The following RBFOX3 variants were observed in gnomAD, a reference collection of about 807,000 sequenced individuals.
The protein encoded by RBFOX3 is RNA binding fox-1 homolog 3.
RBFOX3 carries 17 observed loss-of-function variants against 48.7 expected under a neutral mutation model. That is an observed-to-expected ratio of 0.35 (90% CI 0.24 to 0.52). The LOEUF (loss-of-function observed/expected upper bound fraction) is 0.52. Among genes scored for constraint, RBFOX3 ranks in the 20% least tolerant of loss-of-function variants. RBFOX3 has a pLI of 0.94. For synonymous variants in RBFOX3, 212 were observed against 209.5 expected (o/e 1.01, Z -0.10); for missense variants, 382 against 497.5 (o/e 0.77, Z 2.21).
At chr17:79,593,529 G>A (rs1240448529) in intron 1 of RBFOX3, among the ~76,000 whole-genome samples, 1 of 152,220 alleles carries the variant, frequency 6.6e-6, no homozygotes, top group African/African-American at 2.4e-5. Context: ...CGTGGAGAAA[G>A]GGGCTGCCAG....
At chr17:79,262,820 C>T (rs1461579596) in intron 3 of RBFOX3, among the ~76,000 whole-genome samples, 1 of 152,266 alleles carries the variant, frequency 6.6e-6, no homozygotes, top group Admixed American at 6.5e-5. Flanking sequence ...CATATGCCTT[C>T]AGCCATGAGC....
In RBFOX3 at chr17:79,205,201, A is replaced by T. The variant is rs1388026841; in HGVS notation, c.-34+30565T>A. Among the ~76,000 whole-genome samples the T allele has an allele frequency of 6.6e-6, 1 of 152,168 alleles. No individual in the cohort carries two copies. The highest frequency in any genetic ancestry group is 1.5e-5 in the Non-Finnish European group (1 of 68,026). ...TGCCAGAGAACCTGTGTCCTGGGGAAGGGGACTAGCAGAAGTTTTGCAGGC... is the reference window on the plus strand; with the variant it reads ...TGCCAGAGAACCTGTGTCCTGGGGATGGGGACTAGCAGAAGTTTTGCAGGC... On this transcript the variant is annotated intron_variant, in intron 4 of 14. Coordinates refer to ENST00000693108, the MANE Select transcript of RBFOX3 (RefSeq NM_001350451.2). The surrounding 1 kb of genome is among the most constrained non-coding windows in gnomAD (Gnocchi z 4.5).
At chr17:79,589,742 C>A (rs1264867824) in intron 1 of RBFOX3, among the ~76,000 whole-genome samples, 1 of 152,070 alleles carries the variant, frequency 6.6e-6, no homozygotes, top group Non-Finnish European at 1.5e-5. Context: ...ACCCTCCACA[C>A]AACCCAATAC....
intron 2 of RBFOX3, among the ~76,000 whole-genome samples, chr17:79,381,836 C>T (rs12942038): frequency 0.37 from 55,651 of 151,888 alleles, 10,267 homozygotes; most frequent in Middle Eastern, 0.54. Flanking sequence ...GACTTGAGAG[C>T]CCCAGGAGGA....
intron 2 of RBFOX3, among the ~76,000 whole-genome samples, chr17:79,457,230 A>G (rs1223052550): frequency 1.3e-5 from 2 of 152,310 alleles, no homozygotes; most frequent in African/African-American, 4.8e-5. Context: ...TGATGGTCGG[A>G]CGGATGAGGG....
At chr17:79,279,766 G>A (rs911358784) in intron 3 of RBFOX3, among the ~76,000 whole-genome samples, 5 of 152,174 alleles carry the variant, frequency 3.3e-5, no homozygotes, top group Non-Finnish European at 4.4e-5. Context: ...TGTGGGCTCC[G>A]CTGTCCACCC....
intron 3 of RBFOX3, among the ~76,000 whole-genome samples, chr17:79,283,742 C>T (rs1600406941): frequency 6.6e-6 from 1 of 152,368 alleles, no homozygotes; most frequent in South Asian, 2.1e-4. Flanking sequence ...GCCCATCATG[C>T]AGAGCGGTTA....
chr17:79,449,116 A>G (rs2072952210), intron 2 of RBFOX3, among the ~76,000 whole-genome samples: 1 of 152,090 alleles, frequency 6.6e-6, no homozygotes, highest in Non-Finnish European at 1.5e-5. Context: ...GTCCCTTACC[A>G]CAGAGAGGAG....
intron 3 of RBFOX3, among the ~76,000 whole-genome samples, chr17:79,259,812 G>T (rs1008431523): frequency 6.6e-6 from 1 of 152,122 alleles, no homozygotes; most frequent in Non-Finnish European, 1.5e-5. Context: ...TGCAGCAGGC[G>T]CCATTCTCAG....
chr17:79,600,272 TTGTGCA>T (rs2093675005), intron 1 of RBFOX3: 1 of 152,274 alleles, frequency 6.6e-6, no homozygotes, highest in East Asian at 1.9e-4. Flanking sequence ...AGAAACACAC[TTGTGCA>T]TGTGCACATA....
At chr17:79,615,919 C>T (rs2093992062), upstream of RBFOX3, among the ~76,000 whole-genome samples, 1 of 152,196 alleles carries the variant, frequency 6.6e-6, no homozygotes. Flanking sequence ...TGTCTTCTCC[C>T]AGGCTCCTCC....
chr17:79,200,365 G>A (rs2056559032), intron 4 of RBFOX3, among the ~76,000 whole-genome samples: 1 of 152,214 alleles, frequency 6.6e-6, no homozygotes, highest in Non-Finnish European at 1.5e-5. Context: ...AAAGCCTCTT[G>A]ATCAGGCAGC....
intron 2 of RBFOX3, among the ~76,000 whole-genome samples, chr17:79,432,677 A>G (rs2068677290): frequency 6.6e-6 from 1 of 152,150 alleles, no homozygotes; most frequent in Admixed American, 6.5e-5. Flanking sequence ...GAACGGGTTC[A>G]TTTACTGATG....
chr17:79,461,545 G>A (rs2075366928), intron 2 of RBFOX3, among the ~76,000 whole-genome samples: 1 of 152,170 alleles, frequency 6.6e-6, no homozygotes, highest in Non-Finnish European at 1.5e-5. Flanking sequence ...CTTGTGAAGT[G>A]TCCCCAGCCC....
intron 4 of RBFOX3, among the ~76,000 whole-genome samples, chr17:79,134,773 G>A (rs17740430): frequency 0.023 from 3,466 of 152,302 alleles, 66 homozygotes; most frequent in Admixed American, 0.037. Flanking sequence ...CCAAAAGGAC[G>A]CCACTCGGAA....
At chr17:79,266,095 C>A (rs151138194) in intron 3 of RBFOX3, among the ~76,000 whole-genome samples, 1,725 of 152,348 alleles carry the variant, frequency 0.011, 35 homozygotes, top group African/African-American at 0.039. Context: ...CCCCTCTCAG[C>A]CTTCTCTGGG....
intron 1 of RBFOX3, among the ~76,000 whole-genome samples, chr17:79,567,940 G>A (rs1302795194): frequency 6.6e-6 from 1 of 152,192 alleles, no homozygotes; most frequent in African/African-American, 2.4e-5. Flanking sequence ...CCTCTGCACT[G>A]TCTATTAAGA....
At chr17:79,251,222 C>T (rs77750187) in intron 3 of RBFOX3, among the ~76,000 whole-genome samples, 1 of 152,084 alleles carries the variant, frequency 6.6e-6, no homozygotes, top group Non-Finnish European at 1.5e-5. Context: ...CGCCACCCAC[C>T]ACCAGGAACT....
intron 3 of RBFOX3, among the ~76,000 whole-genome samples, chr17:79,276,878 C>A (rs1360506860): frequency 2.6e-5 from 4 of 152,158 alleles, no homozygotes; most frequent in Non-Finnish European, 4.4e-5. Context: ...GAATCTGAGG[C>A]AGGGAGAGTT....
Sources: allele counts gnomAD v4.1 joint callset (sites outside exome capture counted in the v4.1 genomes callset), GRCh38; gene constraint gnomAD v4.1.1; non-coding constraint Gnocchi (gnomAD v3.1); transcripts MANE v1.5; gene names NCBI Gene and HGNC (gene_info 2026-07-23, HGNC 2026-07-21).